STK11IP: variants seen among roughly 807,000 people sequenced by gnomAD.
STK11IP encodes serine/threonine kinase 11 interacting protein.
A neutral mutation model predicts 131.7 loss-of-function variants in STK11IP; 103 were observed. The observed-to-expected ratio is 0.78, with a 90% CI of 0.67 to 0.92. The LOEUF (loss-of-function observed/expected upper bound fraction) is 0.92. STK11IP is among the 40% of genes least tolerant of loss of function. The pLI is 0.00. For missense variants in STK11IP, 1,315 were observed against 1,385.7 expected (o/e 0.95, Z 0.81); for synonymous variants, 557 against 575.6 (o/e 0.97, Z 0.46).
intron 3 of STK11IP, 70 bp from the exon 4 acceptor site, chr2:219,601,571 T>G (rs1158866586): frequency 6.4e-7 from 1 of 1,556,376 alleles, no homozygotes; most frequent in Non-Finnish European, 8.7e-7. Flanking sequence ...GTGGTTGTGC[T>G]AAGGAAGGAA....
At chr2:219,611,575 C>T in intron 17 of STK11IP, 29 bp from the exon 18 acceptor site, 2 of 1,569,542 alleles carry the variant, frequency 1.3e-6, no homozygotes, top group Non-Finnish European at 1.8e-6. Context: ...GGGGGGGGCT[C>T]ATGGGGACCG....
Position 219,602,720 on chromosome 2 carries a change from C to T in STK11IP, c.562C>T (p.Leu188=), listed in dbSNP as rs374669590. The T allele has an allele frequency of 2.5e-6, 4 of 1,613,186 alleles. No homozygotes were observed. The African/African-American group carries it at 5.3e-5, about 22-fold the overall frequency. The change falls in exon 7 of 25, where the codon CTG becomes TTG. Residue 188 remains leucine (L), a synonymous_variant. Coordinates refer to ENST00000456909, the MANE Select transcript of STK11IP (RefSeq NM_052902.4). ...LDSSLRLLSA[L]RFLNLSHNQV... ...TCTCTCTCAGCGCCTCTTGTCAGCT[C>T]TGCGTTTCTTGAACCTAAGCCACAA... is the stretch of plus-strand genomic sequence containing the variant.
chr2:219,603,821 A>C (rs749594400), intron 7 of STK11IP, among the ~76,000 whole-genome samples: 4 of 152,122 alleles, frequency 2.6e-5, no homozygotes, highest in Non-Finnish European at 5.9e-5. Context: ...TGCCCGACCA[A>C]GTAAGGACAG....
rs776248675 is a variant in STK11IP, at chr2:219,608,378, AGAG to A, written c.1556_1558del (p.Glu519del). 1.4e-5 allele frequency: 22 copies of A among 1,580,156 alleles called. No individual in the cohort carries two copies. The highest frequency in any genetic ancestry group is 4.6e-5 in the East Asian group (2 of 43,352). On this transcript the variant is annotated inframe_deletion, in exon 14 of 25. Transcript: ENST00000456909. ...AGGGGGAGATGGTGGAACAGGGAGA[AGAG>A]GAGGCAGGAGAGGAGGAAGAAGAGG...
Position 219,611,769 on chromosome 2 carries a change from G to C in STK11IP, c.2270G>C (p.Arg757Thr). The change falls in exon 18 of 25, where the codon AGG becomes ACG. Residue 757 changes from arginine to threonine, a missense_variant. Physicochemically the swap from Arg to Thr is moderately conservative, Grantham distance 71. Transcript: ENST00000456909. ...HPPGHGDHLD[R>T]AKNSPPQAPS... ...CCTGGCCATGGTGACCACCTTGACA[G>C]GGCCAAGAACAGCCCACCTCAGGCA... 6.2e-7 allele frequency: 1 copy of C among 1,613,098 alleles called. No individual in the cohort carries two copies. The highest frequency in any genetic ancestry group is 2.2e-5 in the East Asian group (1 of 44,884).
intron 24 of STK11IP, 34 bp from the exon 25 acceptor site, chr2:219,616,010 T>C: frequency 6.2e-7 from 1 of 1,608,026 alleles, no homozygotes; most frequent in Non-Finnish European, 8.5e-7. Flanking sequence ...GTGGTCCCCA[T>C]GAGCCTCGCC....
At chr2:219,605,879 C>T (rs1698134301) in intron 8 of STK11IP, 77 bp from the exon 9 acceptor site, 7 of 1,477,482 alleles carry the variant, frequency 4.7e-6, no homozygotes, top group Non-Finnish European at 6.5e-6. Flanking sequence ...CTGCTGCAAC[C>T]TCCCCCAGTG....
intron 23 of STK11IP, 63 bp downstream of exon 23, chr2:219,614,609 G>A (rs924603392): frequency 1.3e-6 from 2 of 1,526,438 alleles, no homozygotes; most frequent in East Asian, 2.3e-5. Flanking sequence ...ACAGGCACTG[G>A]CCCACGCGCA....
intron 23 of STK11IP, 41 bp from the exon 24 acceptor site, chr2:219,615,053 C>T (rs1309649891): frequency 6.3e-7 from 1 of 1,584,978 alleles, no homozygotes; most frequent in Middle Eastern, 1.7e-4. Flanking sequence ...GGATCTGGGC[C>T]CCTCCATGAC....
chr2:219,616,170 G>A lies in STK11IP; in HGVS notation c.3244G>A (p.Glu1082Lys). ...CATCGGACTCCGGACAGTGATCCAA[G>A]AGGCGCTGGCCCTTGACCGATGAGG... ...FSIGLRTVIQ[E>K]ALALDR is the part of the protein sequence containing the mutation. The change falls in exon 25 of 25, where the codon GAG becomes AAG. Residue 1082 changes from glutamate (E) to lysine (K), a missense_variant. Coordinates refer to ENST00000456909, the MANE Select transcript of STK11IP (RefSeq NM_052902.4). The A allele has an allele frequency of 6.2e-7, 1 of 1,613,644 alleles. No individual in the cohort carries two copies.
intron 2 of STK11IP, 125 bp from the exon 3 acceptor site, chr2:219,601,110 T>C (rs746125557): frequency 3.3e-5 from 24 of 730,296 alleles, no homozygotes; most frequent in Non-Finnish European, 4.7e-5. Flanking sequence ...ATAGAAAATT[T>C]GATCCTGCAA....
intron 17 of STK11IP, among the ~76,000 whole-genome samples, chr2:219,610,524 T>C (rs1319410476): frequency 6.6e-6 from 1 of 152,124 alleles, no homozygotes; most frequent in Non-Finnish European, 1.5e-5. Context: ...TGCCTCAGCC[T>C]CGCAAGTAGC....
chr2:219,616,290 T>C lies in STK11IP; in HGVS notation c.*97T>C, dbSNP rs916714195. On this transcript the variant is annotated 3_prime_UTR_variant, in exon 25 of 25. Transcript: ENST00000456909. ...CTGGCTTCCAGGCTCTGGCTGTGGA[T>C]GTCTTCAGCCTCTGGGTGCTGGCCA... 2 of 1,449,158 alleles carry C rather than the reference T, an allele frequency of 1.4e-6. No homozygotes were observed. The highest frequency in any genetic ancestry group is 1.8e-6 in the Non-Finnish European group (2 of 1,081,642). 89.8% of individuals were successfully genotyped at this position (1,449,158 alleles called of 1,614,324 possible).
chr2:219,613,181 G>A lies in STK11IP; in HGVS notation c.2493G>A (p.Val831=), dbSNP rs1358273134. 1.9e-6 allele frequency: 3 copies of A among 1,608,326 alleles called. No individual in the cohort carries two copies. The highest frequency in any genetic ancestry group is 2.2e-5 in the South Asian group (2 of 90,968). The change falls in exon 20 of 25, where the codon GTG becomes GTA. Residue 831 remains valine, a synonymous_variant. Transcript: ENST00000456909. The part of the protein sequence containing the change: ...HTGEFMCLVV[V]SDRRLYLLKV... ...GGGAGTTCATGTGCCTTGTGGTTGT[G>A]TCTGACCGCAGGCTGTACCTGTTGA...
In STK11IP at chr2:219,611,774, A is replaced by T. The variant is rs762387478; in HGVS notation, c.2275A>T (p.Lys759Ter). 2 of 1,612,968 alleles carry T rather than the reference A, an allele frequency of 1.2e-6. No homozygotes were observed. The highest frequency in any genetic ancestry group is 1.7e-6 in the Non-Finnish European group (2 of 1,179,876). ...PGHGDHLDRA[K>*]NSPPQAPSTR... ...CCATGGTGACCACCTTGACAGGGCC[A>T]AGAACAGCCCACCTCAGGCACCGAG... The change falls in exon 18 of 25, where the codon AAG (lysine) becomes TAG (stop). Residue 759 changes from lysine to a stop codon, truncating the protein, a stop_gained. Coordinates refer to ENST00000456909, the MANE Select transcript of STK11IP (RefSeq NM_052902.4). LOFTEE classifies it high-confidence loss of function.
chr2:219,606,768 G>T lies in STK11IP; in HGVS notation c.1044G>T (p.Gly348=). Residue 348 remains glycine, a synonymous_variant, in exon 12 of 25, where the codon GGG becomes GGT. Coordinates refer to ENST00000456909, the MANE Select transcript of STK11IP (RefSeq NM_052902.4). ...PMGPPLPWPV[G]STPETSGGPD... is the part of the protein sequence containing the mutation. ...GCCCACCTTTGCCCTGGCCAGTGGGGAGTACTCCTGAAACCTCAGGTGGCC... is the reference window on the plus strand; with the variant it reads ...GCCCACCTTTGCCCTGGCCAGTGGGTAGTACTCCTGAAACCTCAGGTGGCC... The T allele has an allele frequency of 6.2e-7, 1 of 1,613,826 alleles. No individual in the cohort carries two copies. The highest frequency in any genetic ancestry group is 8.5e-7 in the Non-Finnish European group (1 of 1,179,854).
In STK11IP at chr2:219,602,562, TAGAC is replaced by T. The variant is rs781223719; in HGVS notation, c.536_539del (p.Asp179AlafsTer12). 1.2e-6 allele frequency: 2 copies of T among 1,613,924 alleles called. No homozygotes were observed. The highest frequency in any genetic ancestry group is 1.7e-6 in the Non-Finnish European group (2 of 1,179,900). On this transcript the variant is annotated frameshift_variant, in exon 6 of 25. Coordinates refer to ENST00000456909, the MANE Select transcript of STK11IP (RefSeq NM_052902.4). LOFTEE classifies it high-confidence loss of function. ...TTCAGCTACAATGCACTGACCGCCT[TAGAC>T]AGCTCCCTGGTGAGTGCCTCAGAGG...
In STK11IP at chr2:219,613,190, C is replaced by A. The variant is rs1220640829; in HGVS notation, c.2502C>A (p.Arg834=). ...EFMCLVVVSD[R]RLYLLKVTGE... ...TGTGCCTTGTGGTTGTGTCTGACCG[C>A]AGGCTGTACCTGTTGAAGGTGACTG... Residue 834 remains arginine (R), a synonymous_variant, in exon 20 of 25, where the codon CGC becomes CGA. Transcript: ENST00000456909. 8 of 1,606,808 alleles carry A rather than the reference C, an allele frequency of 5.0e-6. No individual in the cohort carries two copies. Among genetic ancestry groups the A allele is most frequent in the Non-Finnish European group, 5.9e-6 (7 of 1,176,534 alleles).
At chr2:219,603,846 A>T (rs1003470372) in intron 7 of STK11IP, among the ~76,000 whole-genome samples, 1 of 152,096 alleles carries the variant, frequency 6.6e-6, no homozygotes, top group South Asian at 2.1e-4. Flanking sequence ...TTTATCAGTG[A>T]TAAACTATTG....
Sources: gnomAD v4.1 joint callset for allele counts (sites outside exome capture counted in the v4.1 genomes callset) on GRCh38, gnomAD v4.1.1 for gene constraint, MANE v1.5 for transcripts, NCBI Gene and HGNC (gene_info 2026-07-23, HGNC 2026-07-21) for gene names.